The following BFSP2 variants were observed in gnomAD, a reference collection of about 807,000 sequenced individuals.
BFSP2 encodes the protein beaded filament structural protein 2.
In BFSP2, 38 loss-of-function variants were observed where a neutral mutation model predicts 44.9. The observed-to-expected ratio is 0.85, with a 90% CI of 0.65 to 1.11. BFSP2 has a LOEUF of 1.11. Among genes scored for constraint, BFSP2 ranks in the 50% least tolerant of loss-of-function variants. The probability of loss-of-function intolerance (pLI) is 0.00; values close to 1 mark genes in which losing one functional copy is unlikely to be tolerated. For synonymous variants in BFSP2, 197 were observed against 209.9 expected (o/e 0.94, Z 0.53); for missense variants, 525 against 533.0 (o/e 0.99, Z 0.15).
rs751070406 is a variant in BFSP2, at chr3:133,450,266, C to T, written c.730-37C>T. On this transcript the variant is annotated intron_variant, in intron 3 of 6. Coordinates refer to ENST00000302334, the MANE Select transcript of BFSP2 (RefSeq NM_003571.4). ...TAGAATTCTATGCCATTTATTTCCC[C>T]CCGTAACTCATCTAAGATGTATATT... is the stretch of plus-strand genomic sequence containing the variant. The T allele has an allele frequency of 3.5e-5, 56 of 1,611,900 alleles. 1 individual carries two copies. The South Asian group carries it at 5.8e-4, about 17-fold the overall frequency.
Position 133,466,852 on chromosome 3 carries a change from T to C in BFSP2, c.916T>C (p.Ser306Pro), listed in dbSNP as rs1378642732. 2 of 1,613,740 alleles carry C rather than the reference T, an allele frequency of 1.2e-6. 1 individual carries two copies. Among genetic ancestry groups the C allele is most frequent in the South Asian group, 2.2e-5 (2 of 91,058 alleles). The change falls in exon 5 of 7, where the codon TCC (serine) becomes CCC (proline). Residue 306 changes from serine (S) to proline (P), a missense_variant. Transcript: ENST00000302334. ...GCAACAGGCGGAGGTGGCCCACATG[T>C]CCCAGACCCAGGAGGAGAAGCTGGC... ...AKQQAEVAHM[S>P]QTQEEKLAAA...
chr3:133,418,808 T>C (rs2073567722), intron 1 of BFSP2, among the ~76,000 whole-genome samples: 1 of 152,236 alleles, frequency 6.6e-6, no homozygotes, highest in Admixed American at 6.5e-5. Flanking sequence ...TTCACTGAAC[T>C]GCAGGCCTCT....
chr3:133,458,424 T>C (rs777326004), intron 4 of BFSP2, among the ~76,000 whole-genome samples: 4 of 152,240 alleles, frequency 2.6e-5, no homozygotes, highest in Non-Finnish European at 5.9e-5. Flanking sequence ...CTGGGTGTGG[T>C]GGCTCACTCC....
intron 1 of BFSP2, among the ~76,000 whole-genome samples, chr3:133,443,015 G>A (rs1487144929): frequency 1.3e-5 from 2 of 151,900 alleles, no homozygotes; most frequent in East Asian, 1.9e-4. Flanking sequence ...GTGCAACCAC[G>A]CCCAGCTAAT....
chr3:133,408,960 T>A (rs187525053), intron 1 of BFSP2, among the ~76,000 whole-genome samples: 1 of 152,306 alleles, frequency 6.6e-6, no homozygotes, highest in East Asian at 1.9e-4. Context: ...TTTGGAACCA[T>A]GAAAATATTT....
intron 4 of BFSP2, among the ~76,000 whole-genome samples, chr3:133,459,597 C>A (rs1264520554): frequency 6.6e-6 from 1 of 152,208 alleles, no homozygotes; most frequent in Non-Finnish European, 1.5e-5. Context: ...CCAGCCGGGC[C>A]AGCTCCTCTG....
chr3:133,411,079 A>T (rs574855429), intron 1 of BFSP2, among the ~76,000 whole-genome samples: 1 of 152,268 alleles, frequency 6.6e-6, no homozygotes, highest in African/African-American at 2.4e-5. Context: ...AAAGTAAGTC[A>T]GTTATAGAAT....
chr3:133,448,677 A>T, intron 3 of BFSP2, 32 bp downstream of exon 3: 1 of 1,610,480 alleles, frequency 6.2e-7, no homozygotes, highest in Non-Finnish European at 8.5e-7. Flanking sequence ...TGGGTTGGCC[A>T]CAAGACCAGA....
At chr3:133,415,517 T>C (rs1474972199) in intron 1 of BFSP2, among the ~76,000 whole-genome samples, 1 of 62,174 alleles carries the variant, frequency 1.6e-5, no homozygotes. Flanking sequence ...ATTCACCCCG[T>C]CCTCTCCCCT....
chr3:133,407,188 C>T (rs1240987715), intron 1 of BFSP2, among the ~76,000 whole-genome samples: 1 of 152,102 alleles, frequency 6.6e-6, no homozygotes, highest in Non-Finnish European at 1.5e-5. Context: ...TCAAGACCAG[C>T]CTGGGCAACA....
intron 1 of BFSP2, among the ~76,000 whole-genome samples, chr3:133,438,602 G>A (rs868292351): frequency 1.1e-4 from 17 of 152,138 alleles, no homozygotes; most frequent in African/African-American, 3.6e-4. Flanking sequence ...GGAGAGGAAA[G>A]TGTGGGTCAG....
At chr3:133,441,185 A>G (rs939407964) in intron 1 of BFSP2, among the ~76,000 whole-genome samples, 1 of 151,924 alleles carries the variant, frequency 6.6e-6, no homozygotes, top group Non-Finnish European at 1.5e-5. Flanking sequence ...GATTACAGGC[A>G]CACCCACGCC....
At chr3:133,432,046 G>A (rs963574646) in intron 1 of BFSP2, among the ~76,000 whole-genome samples, 2 of 151,754 alleles carry the variant, frequency 1.3e-5, no homozygotes, top group Admixed American at 6.6e-5. Context: ...CCTGGCAACC[G>A]ATCACATGCC....
At chr3:133,471,928 G>A (rs765424488) in intron 5 of BFSP2, among the ~76,000 whole-genome samples, 1 of 152,062 alleles carries the variant, frequency 6.6e-6, no homozygotes, top group Non-Finnish European at 1.5e-5. Flanking sequence ...GGGGTCCCCC[G>A]GGGAGTGAAG....
At chr3:133,433,184 A>C (rs983142113) in intron 1 of BFSP2, among the ~76,000 whole-genome samples, 18 of 151,992 alleles carry the variant, frequency 1.2e-4, no homozygotes, top group African/African-American at 4.1e-4. Flanking sequence ...CCATGACTGT[A>C]TCTCTCTGAT....
chr3:133,430,580 T>C (rs2073704568), intron 1 of BFSP2, among the ~76,000 whole-genome samples: 1 of 152,164 alleles, frequency 6.6e-6, no homozygotes, highest in Admixed American at 6.5e-5. Context: ...TTTCAATTTT[T>C]CCACCCTACA....
rs765973192 is a variant in BFSP2, at chr3:133,472,395, G to A, written c.1074G>A (p.Met358Ile). ...ACGATGCCAAGCACTGGCATGACAT[G>A]GAGCTCCAGAACCTGGGCGCTGTGG... is the stretch of plus-strand genomic sequence containing the variant. ...TLHDAKHWHD[M>I]ELQNLGAVVG... is the part of the protein sequence containing the mutation. The change falls in exon 6 of 7, where the codon ATG (methionine) becomes ATA (isoleucine). Residue 358 changes from methionine (M) to isoleucine (I), a missense_variant. Physicochemically the swap from Met to Ile is conservative, Grantham distance 10 (BLOSUM62 1). Coordinates refer to ENST00000302334, the MANE Select transcript of BFSP2 (RefSeq NM_003571.4). 7 of 1,614,046 alleles carry A rather than the reference G, an allele frequency of 4.3e-6. No homozygotes were observed. The South Asian group carries it at 7.7e-5, about 18-fold the overall frequency.
chr3:133,434,059 C>T (rs916945040), intron 1 of BFSP2, among the ~76,000 whole-genome samples: 2 of 152,212 alleles, frequency 1.3e-5, no homozygotes, highest in African/African-American at 4.8e-5. Flanking sequence ...CCAGTTTACA[C>T]TGTTTCTCCA....
chr3:133,439,163 G>A (rs762553508), intron 1 of BFSP2, among the ~76,000 whole-genome samples: 3 of 152,210 alleles, frequency 2.0e-5, no homozygotes, highest in Non-Finnish European at 4.4e-5. Flanking sequence ...TGTAGTAAGT[G>A]CTTTAAAAAA....
Sources: gnomAD v4.1 joint callset for allele counts (sites outside exome capture counted in the v4.1 genomes callset) on GRCh38, gnomAD v4.1.1 for gene constraint, MANE v1.5 for transcripts, NCBI Gene and HGNC (gene_info 2026-07-23, HGNC 2026-07-21) for gene names.